SPOCK3: variants seen among roughly 807,000 people sequenced by gnomAD.
The protein encoded by SPOCK3 is SPARC (osteonectin), cwcv and kazal like domains proteoglycan 3.
In SPOCK3, 30 loss-of-function variants were observed where a neutral mutation model predicts 56.6. The observed-to-expected ratio is 0.53, with a 90% CI of 0.40 to 0.72. The LOEUF (loss-of-function observed/expected upper bound fraction) is 0.72. SPOCK3 is among the 30% of genes least tolerant of loss of function. The probability of loss-of-function intolerance (pLI) is 0.00; values close to 1 mark genes in which losing one functional copy is unlikely to be tolerated. For synonymous variants in SPOCK3, 196 were observed against 183.3 expected (o/e 1.07, Z -0.56); for missense variants, 527 against 530.0 (o/e 0.99, Z 0.06).
intron 4 of SPOCK3, among the ~76,000 whole-genome samples, chr4:166,946,124 T>C (rs953253239): frequency 2.0e-5 from 3 of 152,184 alleles, no homozygotes; most frequent in Non-Finnish European, 4.4e-5. Flanking sequence ...TTAATTCATT[T>C]GGTTATCTCT....
At chr4:166,848,844 G>A (rs907906862) in intron 6 of SPOCK3, among the ~76,000 whole-genome samples, 2 of 152,050 alleles carry the variant, frequency 1.3e-5, no homozygotes, top group African/African-American at 4.8e-5. Flanking sequence ...AGTTCCAAGT[G>A]CAATGTTGTA....
chr4:167,003,359 T>C (rs1167935742), intron 3 of SPOCK3, among the ~76,000 whole-genome samples: 2 of 152,190 alleles, frequency 1.3e-5, no homozygotes, highest in Non-Finnish European at 2.9e-5. Flanking sequence ...AAAAGACCAC[T>C]TTCTGTGCAT....
intron 2 of SPOCK3, among the ~76,000 whole-genome samples, chr4:167,087,272 C>T (rs562393137): frequency 1.3e-5 from 2 of 152,110 alleles, no homozygotes; most frequent in East Asian, 3.9e-4. Flanking sequence ...CCCAAGACCA[C>T]AGAGCTTATA....
At position 167,156,233 on chromosome 4, in the gene SPOCK3, T is replaced by C. The variant is rs567886568; in HGVS notation, c.189+77752A>G. The stretch of plus-strand genomic sequence containing the variant: ...TGCTATCCACATTCCAAGTACTTCA[T>C]AGTGACTCTATGGGCCAGTGCAGAT... On this transcript the variant is annotated intron_variant, in intron 2 of 10. Transcript: ENST00000357545. Among the ~76,000 whole-genome samples the C allele has an allele frequency of 1.1e-4, 16 of 152,252 alleles. No homozygotes were observed. In the South Asian group the frequency reaches 2.7e-3, roughly 26 times the overall value.
chr4:167,085,442 T>C (rs1758106646), intron 2 of SPOCK3, among the ~76,000 whole-genome samples: 1 of 152,162 alleles, frequency 6.6e-6, no homozygotes, highest in African/African-American at 2.4e-5. Context: ...GTTCTTTCCA[T>C]GACCATTTTT....
In SPOCK3 at chr4:166,733,541, C is replaced by T. The variant is rs566790673; in HGVS notation, c.*1380G>A. Reference sequence around the variant, plus strand: ...AATTTTGCTTTCAATGAATTGTATACTGGGAAACCAGTTTACCCACTGTTG... The same window carrying T: ...AATTTTGCTTTCAATGAATTGTATATTGGGAAACCAGTTTACCCACTGTTG... On this transcript the variant is annotated 3_prime_UTR_variant, in exon 11 of 11. Coordinates refer to ENST00000357545, the MANE Select transcript of SPOCK3 (RefSeq NM_001040159.2). 8 of 151,824 alleles carry T rather than the reference C, an allele frequency of 5.3e-5. No homozygotes were observed. The highest frequency in any genetic ancestry group is 5.3e-4 in the Admixed American group (8 of 15,216). The allele number at this position is 151,824 out of a possible 1,614,324, so 9.4% of individuals were successfully genotyped here.
At chr4:166,885,977 A>C (rs1734157032) in intron 6 of SPOCK3, among the ~76,000 whole-genome samples, 1 of 152,136 alleles carries the variant, frequency 6.6e-6, no homozygotes. Context: ...TAGACAATTT[A>C]AGATTTGTCT....
chr4:166,755,420 A>C (rs146080916), intron 7 of SPOCK3, among the ~76,000 whole-genome samples: 187 of 152,246 alleles, frequency 1.2e-3, no homozygotes, highest in African/African-American at 4.2e-3. Context: ...ACTACTCCAC[A>C]TGGGTTACCC....
intron 7 of SPOCK3, among the ~76,000 whole-genome samples, chr4:166,790,014 A>C (rs1741164743): frequency 6.6e-6 from 1 of 152,212 alleles, no homozygotes; most frequent in South Asian, 2.1e-4. Flanking sequence ...GAATATTATC[A>C]ATAATCATTC....
chr4:167,112,781 G>A lies in SPOCK3; in HGVS notation c.190-50244C>T, dbSNP rs1033421956. ...AGAAATACCATGGGGTGTCATCAAGGAGAGACCCCATCAAAAATTTCCCTA... is the reference window on the plus strand; with the variant it reads ...AGAAATACCATGGGGTGTCATCAAGAAGAGACCCCATCAAAAATTTCCCTA... On this transcript the variant is annotated intron_variant, in intron 2 of 10. Coordinates refer to ENST00000357545, the MANE Select transcript of SPOCK3 (RefSeq NM_001040159.2). 3.3e-5 allele frequency among the ~76,000 whole-genome samples: 5 copies of A among 151,984 alleles called. 1 individual carries two copies. The Middle Eastern group carries it at 0.017, about 517-fold the overall frequency.
chr4:166,941,080 A>G (rs1041852019), intron 4 of SPOCK3, among the ~76,000 whole-genome samples: 2 of 152,084 alleles, frequency 1.3e-5, no homozygotes, highest in Non-Finnish European at 2.9e-5. Context: ...GAAGTCAAGA[A>G]CCAAGGTGTC....
chr4:166,736,151 C>T (rs1225002843), intron 10 of SPOCK3, among the ~76,000 whole-genome samples: 2 of 151,984 alleles, frequency 1.3e-5, no homozygotes, highest in Non-Finnish European at 2.9e-5. Context: ...CTAAAATTCC[C>T]ATCTTAACTG....
chr4:166,887,425 C>T (rs1734315888), intron 6 of SPOCK3, among the ~76,000 whole-genome samples: 1 of 152,096 alleles, frequency 6.6e-6, no homozygotes, highest in Admixed American at 6.6e-5. Flanking sequence ...TGTTTCCCAC[C>T]TGAAGTGATT....
intron 6 of SPOCK3, among the ~76,000 whole-genome samples, chr4:166,865,498 T>A (rs1731730855): frequency 6.6e-6 from 1 of 152,158 alleles, no homozygotes; most frequent in Non-Finnish European, 1.5e-5. Flanking sequence ...GTGTCTCTGT[T>A]TGCAGATGAC....
chr4:167,189,178 A>G lies in SPOCK3; in HGVS notation c.189+44807T>C, dbSNP rs1732263405. Among the ~76,000 whole-genome samples, 5 of 146,276 alleles carry G rather than the reference A, an allele frequency of 3.4e-5. 1 individual carries two copies. In the Admixed American group the frequency reaches 3.5e-4, roughly 10 times the overall value. ...GAGTCTAGACAAAGGGCAAAAAATA[A>G]AAAACCTTTACAAATGTTAGCAAAT... is the stretch of plus-strand genomic sequence containing the variant. On this transcript the variant is annotated intron_variant, in intron 2 of 10. Coordinates refer to ENST00000357545, the MANE Select transcript of SPOCK3 (RefSeq NM_001040159.2).
At chr4:166,775,065 T>G (rs1739373727) in intron 7 of SPOCK3, among the ~76,000 whole-genome samples, 1 of 152,292 alleles carries the variant, frequency 6.6e-6, no homozygotes, top group African/African-American at 2.4e-5. Flanking sequence ...AGAGATTATT[T>G]GAGCAGAAAT....
chr4:166,857,819 A>G (rs1295185383), intron 6 of SPOCK3, among the ~76,000 whole-genome samples: 1 of 152,224 alleles, frequency 6.6e-6, no homozygotes, highest in African/African-American at 2.4e-5. Flanking sequence ...TTGTTTGTAC[A>G]TGGTTAGGCT....
At chr4:166,814,431 C>T (rs1344718484) in intron 6 of SPOCK3, among the ~76,000 whole-genome samples, 1 of 152,008 alleles carries the variant, frequency 6.6e-6, no homozygotes, top group Admixed American at 6.6e-5. Flanking sequence ...GGAAGACCCA[C>T]CCTCATTAGG....
chr4:166,788,548 C>T (rs1227548891), intron 7 of SPOCK3, among the ~76,000 whole-genome samples: 2 of 151,622 alleles, frequency 1.3e-5, no homozygotes, highest in Non-Finnish European at 2.9e-5. Context: ...AAATGATATA[C>T]TATAAAGAAG....
Sources: gnomAD v4.1 joint callset for allele counts (sites outside exome capture counted in the v4.1 genomes callset) on GRCh38, gnomAD v4.1.1 for gene constraint, MANE v1.5 for transcripts, NCBI Gene and HGNC (gene_info 2026-07-23, HGNC 2026-07-21) for gene names.